Variants in TNS3 observed in about 807,000 individuals in gnomAD.
TNS3 encodes the protein tensin-3.
TNS3 carries 45 observed loss-of-function variants against 140.9 expected under a neutral mutation model. That is an observed-to-expected ratio of 0.32 (90% CI 0.25 to 0.41). The LOEUF (loss-of-function observed/expected upper bound fraction) is 0.41. Ranked by LOEUF, TNS3 falls within the 10% of genes least tolerant of loss-of-function variation. The pLI is 1.00. For missense variants in TNS3, 1,716 were observed against 1,906.7 expected (o/e 0.90, Z 1.86); for synonymous variants, 815 against 788.4 (o/e 1.03, Z -0.56).
intron 4 of TNS3, among the ~76,000 whole-genome samples, chr7:47,461,539 C>T (rs902920186): frequency 2.0e-5 from 3 of 152,208 alleles, no homozygotes; most frequent in Non-Finnish European, 4.4e-5. Context: ...CCTCACCACC[C>T]CTGTCCAGGA....
chr7:47,440,153 G>C (rs1795393685), intron 5 of TNS3, among the ~76,000 whole-genome samples: 1 of 152,044 alleles, frequency 6.6e-6, no homozygotes, highest in Admixed American at 6.5e-5. Context: ...GCAGCTCCTC[G>C]TGTCCGTATG....
chr7:47,371,744 C>T (rs1462547238), intron 16 of TNS3, among the ~76,000 whole-genome samples: 1 of 152,250 alleles, frequency 6.6e-6, no homozygotes, highest in Non-Finnish European at 1.5e-5. Context: ...ATGGAAAATG[C>T]AATGCATTTG....
At chr7:47,422,004 G>A (rs1794397290) in intron 10 of TNS3, among the ~76,000 whole-genome samples, 1 of 152,198 alleles carries the variant, frequency 6.6e-6, no homozygotes, top group African/African-American at 2.4e-5. Context: ...CAGGACAACA[G>A]AGAAGCCTCC....
chr7:47,362,593 T>C (rs1349075223), intron 17 of TNS3, among the ~76,000 whole-genome samples: 1 of 152,174 alleles, frequency 6.6e-6, no homozygotes, highest in African/African-American at 2.4e-5. Context: ...GACATAGCCA[T>C]GGGGTGCAGA....
chr7:47,337,193 T>C (rs1012444779), intron 20 of TNS3, among the ~76,000 whole-genome samples: 4 of 152,226 alleles, frequency 2.6e-5, no homozygotes, highest in African/African-American at 7.2e-5. Context: ...TATTCCTCGG[T>C]CATAAATCTC....
At chr7:47,447,204 A>G (rs1383944773) in intron 4 of TNS3, among the ~76,000 whole-genome samples, 1 of 152,202 alleles carries the variant, frequency 6.6e-6, no homozygotes, top group Non-Finnish European at 1.5e-5. Flanking sequence ...TTCCTCAGAT[A>G]AAAAATTAGA....
At chr7:47,560,890 C>G (rs1800307373) in intron 1 of TNS3, among the ~76,000 whole-genome samples, 1 of 152,214 alleles carries the variant, frequency 6.6e-6, no homozygotes, top group South Asian at 2.1e-4. Context: ...CCTTGTGTGA[C>G]CCCCACATCA....
intron 27 of TNS3, among the ~76,000 whole-genome samples, chr7:47,291,745 G>A (rs138817070): frequency 4.7e-4 from 72 of 152,222 alleles, no homozygotes; most frequent in Middle Eastern, 6.8e-3. Context: ...ATTTAGTCTT[G>A]CTTGAGTTAG....
At chr7:47,297,311 T>A in intron 23 of TNS3, 98 bp from the exon 24 acceptor site, 1 of 1,442,456 alleles carries the variant, frequency 6.9e-7, no homozygotes, top group Non-Finnish European at 9.3e-7. Context: ...TTACTCTTTT[T>A]GCAAACTGGA....
At chr7:47,317,612 T>C (rs1787486497) in intron 20 of TNS3, among the ~76,000 whole-genome samples, 1 of 152,234 alleles carries the variant, frequency 6.6e-6, no homozygotes, top group Non-Finnish European at 1.5e-5. Context: ...ACATAGTCCC[T>C]TAGCAACCTA....
intron 4 of TNS3, among the ~76,000 whole-genome samples, chr7:47,470,049 A>G (rs1328113304): frequency 5.3e-5 from 8 of 152,068 alleles, no homozygotes; most frequent in Admixed American, 5.2e-4. Context: ...CAAGAACGAA[A>G]TCATGTCCTT....
intron 4 of TNS3, among the ~76,000 whole-genome samples, chr7:47,446,777 T>C (rs895103251): frequency 1.4e-5 from 2 of 145,412 alleles, no homozygotes; most frequent in Admixed American, 7.4e-5. Context: ...AGCCTCTCAG[T>C]GACTTCTCGG....
intron 17 of TNS3, among the ~76,000 whole-genome samples, chr7:47,347,210 T>A (rs981592598): frequency 6.6e-6 from 1 of 152,196 alleles, no homozygotes; most frequent in African/African-American, 2.4e-5. Flanking sequence ...CAGAGTAGCA[T>A]TTCACTGAAA....
intron 16 of TNS3, among the ~76,000 whole-genome samples, chr7:47,375,998 C>CT (rs1791361121): frequency 6.6e-6 from 1 of 152,176 alleles, no homozygotes; most frequent in African/African-American, 2.4e-5. Flanking sequence ...TAAAAAGTAA[C>CT]TTTTTCATTT....
intron 21 of TNS3, among the ~76,000 whole-genome samples, chr7:47,303,901 G>A (rs753155943): frequency 6.6e-6 from 1 of 152,136 alleles, no homozygotes; most frequent in East Asian, 1.9e-4. Flanking sequence ...CATCTTCACC[G>A]GGTCAAGGCC....
At chr7:47,363,474 C>T (rs1010078697) in intron 17 of TNS3, among the ~76,000 whole-genome samples, 5 of 152,212 alleles carry the variant, frequency 3.3e-5, no homozygotes, top group Admixed American at 6.5e-5. Context: ...GAGCACAGGG[C>T]AATGCTATTC....
rs992831086 is a variant in TNS3 at position 47,275,746 on chromosome 7, T to C, written c.*2330A>G. The C allele has an allele frequency of 4.4e-6, 2 of 451,808 alleles. No individual in the cohort carries two copies. The highest frequency in any genetic ancestry group is 3.1e-5 in the South Asian group (2 of 64,274). 28.0% of individuals were successfully genotyped at this position (451,808 alleles called of 1,614,324 possible). Reference sequence around the variant, plus strand: ...GAGGGAGCTATCTGCTTGGAGCAAATTCCCCGATGCCCTTGACCACGTTTA... The same window carrying C: ...GAGGGAGCTATCTGCTTGGAGCAAACTCCCCGATGCCCTTGACCACGTTTA... On this transcript the variant is annotated 3_prime_UTR_variant, in exon 31 of 31. Transcript: ENST00000311160.
At chr7:47,291,175 G>C (rs1330648890) in intron 27 of TNS3, among the ~76,000 whole-genome samples, 1 of 152,146 alleles carries the variant, frequency 6.6e-6, no homozygotes, top group Non-Finnish European at 1.5e-5. Context: ...TGGGGTTGGT[G>C]GGGGAGGGAG....
intron 4 of TNS3, among the ~76,000 whole-genome samples, chr7:47,474,779 C>G (rs993486277): frequency 1.4e-5 from 2 of 146,574 alleles, no homozygotes; most frequent in Admixed American, 1.4e-4. Flanking sequence ...ACACACACAC[C>G]TCACACACAA....
Sources: gnomAD v4.1 joint callset for allele counts (sites outside exome capture counted in the v4.1 genomes callset) on GRCh38, gnomAD v4.1.1 for gene constraint, MANE v1.5 for transcripts, NCBI Gene and HGNC (gene_info 2026-07-23, HGNC 2026-07-21) for gene names.